Variants in C12orf54 observed in about 807,000 individuals in gnomAD.
The protein encoded by C12orf54 is chromosome 12 open reading frame 54, also known as uncharacterized protein C12orf54.
A neutral mutation model predicts 26.4 loss-of-function variants in C12orf54; 24 were observed. That is an observed-to-expected ratio of 0.91 (90% confidence interval 0.66 to 1.28). C12orf54 has a LOEUF of 1.28. Ranked by LOEUF, C12orf54 falls within the 50% of genes most tolerant of loss-of-function variation. The probability of loss-of-function intolerance (pLI) is 0.00; values close to 1 mark genes in which losing one functional copy is unlikely to be tolerated. For synonymous variants in C12orf54, 54 were observed against 47.0 expected (o/e 1.15, Z -0.61); for missense variants, 154 against 150.9 (o/e 1.02, Z -0.11).
the C12orf54 span, among the ~76,000 whole-genome samples, chr12:48,477,257 G>A: frequency 5.3e-5 from 8 of 152,222 alleles, no homozygotes; most frequent in African/African-American, 1.9e-4. Flanking sequence ...GTGTGTAGAG[G>A]GAAATTTATA....
the C12orf54 span, among the ~76,000 whole-genome samples, chr12:48,466,428 C>T: frequency 5.3e-4 from 81 of 152,018 alleles, no homozygotes; most frequent in Middle Eastern, 3.4e-3. Flanking sequence ...ACCTGTAATC[C>T]CAGCTACTCA....
chr12:48,457,504 T>C, the C12orf54 span, among the ~76,000 whole-genome samples: 1 of 152,030 alleles, frequency 6.6e-6, no homozygotes, highest in African/African-American at 2.4e-5. Context: ...CGGCTAATTT[T>C]TGTATTTTTA....
At chr12:48,475,794 A>G in the C12orf54 span, among the ~76,000 whole-genome samples, 1 of 152,232 alleles carries the variant, frequency 6.6e-6, no homozygotes, top group South Asian at 2.1e-4. Context: ...AGTGACAGGG[A>G]GAATGGAACC....
At chr12:48,472,998 T>A in the C12orf54 span, 1 of 1,613,876 alleles carries the variant, frequency 6.2e-7, no homozygotes, top group Non-Finnish European at 8.5e-7. Flanking sequence ...CCTGAAAAAG[T>A]TAGAAAACCT....
the C12orf54 span, among the ~76,000 whole-genome samples, chr12:48,464,278 A>T: frequency 6.6e-6 from 1 of 152,164 alleles, no homozygotes; most frequent in Non-Finnish European, 1.5e-5. Context: ...ATACACCAAT[A>T]ACAGCCAACC....
intron 2 of C12orf54, among the ~76,000 whole-genome samples, chr12:48,484,805 T>C (rs1954239729): frequency 6.6e-6 from 1 of 152,364 alleles, no homozygotes; most frequent in South Asian, 2.1e-4. Context: ...ATTTGATCAT[T>C]ACATATTGTA....
the C12orf54 span, among the ~76,000 whole-genome samples, chr12:48,424,687 G>A: frequency 6.6e-6 from 1 of 152,080 alleles, no homozygotes; most frequent in Non-Finnish European, 1.5e-5. Flanking sequence ...ATGTGGCCCA[G>A]CAATTTCACT....
the C12orf54 span, among the ~76,000 whole-genome samples, chr12:48,446,310 T>G: frequency 6.6e-6 from 1 of 152,168 alleles, no homozygotes; most frequent in Non-Finnish European, 1.5e-5. Flanking sequence ...TTGACAGCAT[T>G]TTTGCTCTTA....
chr12:48,484,661 A>G (rs1258434805), intron 2 of C12orf54, among the ~76,000 whole-genome samples: 1 of 152,228 alleles, frequency 6.6e-6, no homozygotes, highest in Non-Finnish European at 1.5e-5. Flanking sequence ...TTGAGGTTCA[A>G]TAGCATAGTA....
chr12:48,472,481 T>C, the C12orf54 span, among the ~76,000 whole-genome samples: 1 of 152,208 alleles, frequency 6.6e-6, no homozygotes, highest in Non-Finnish European at 1.5e-5. Flanking sequence ...TTGGAGCAAC[T>C]GGGTGAATGA....
chr12:48,424,797 G>C, the C12orf54 span, among the ~76,000 whole-genome samples: 2 of 151,980 alleles, frequency 1.3e-5, no homozygotes, highest in African/African-American at 4.8e-5. Context: ...ACATCACTAC[G>C]CTAAGGCAAA....
chr12:48,441,947 G>A, the C12orf54 span: 1 of 152,022 alleles, frequency 6.6e-6, no homozygotes, highest in Non-Finnish European at 1.5e-5. Context: ...TGACATCAAG[G>A]AATTATCCTA....
intron 4 of C12orf54, 95 bp downstream of exon 4, chr12:48,486,821 C>A: frequency 1.5e-6 from 2 of 1,304,246 alleles, no homozygotes; most frequent in South Asian, 2.5e-5. Flanking sequence ...TTTCCTTGAG[C>A]GGTTTGTTGA....
the C12orf54 span, among the ~76,000 whole-genome samples, chr12:48,445,168 G>A: frequency 2.6e-5 from 4 of 151,890 alleles, no homozygotes; most frequent in East Asian, 7.8e-4. Context: ...GCGAGACTCC[G>A]TCTCTTAAAA....
Position 48,494,801 on chromosome 12 carries a change from C to T in C12orf54, c.246C>T (p.Ser82=). The T allele has an allele frequency of 6.2e-7, 1 of 1,613,666 alleles. No individual in the cohort carries two copies. The highest frequency in any genetic ancestry group is 1.1e-5 in the South Asian group (1 of 91,068). ...TPMTSAPRTG[S]IRPPDSLMTP... is the part of the protein sequence containing the mutation. ...AACTTTCTCTATTTTGGCACAGAAGCATAAGGCCTCCAGATTCCTTGATGA... is the reference window on the plus strand; with the variant it reads ...AACTTTCTCTATTTTGGCACAGAAGTATAAGGCCTCCAGATTCCTTGATGA... Residue 82 remains serine, a synonymous_variant, in exon 8 of 9, where the codon AGC becomes AGT. Coordinates refer to ENST00000548364, the MANE Select transcript of C12orf54 (RefSeq NM_152319.4).
At chr12:48,418,307 A>AGG in the C12orf54 span, among the ~76,000 whole-genome samples, 1 of 152,228 alleles carries the variant, frequency 6.6e-6, no homozygotes, top group South Asian at 2.1e-4. Flanking sequence ...ATAAACGGCA[A>AGG]GGTAAGTCAT....
At chr12:48,453,275 G>A in the C12orf54 span, among the ~76,000 whole-genome samples, 2 of 151,906 alleles carry the variant, frequency 1.3e-5, no homozygotes, top group African/African-American at 2.4e-5. Flanking sequence ...CTTATAAGTG[G>A]GAGCTGAATG....
the C12orf54 span, among the ~76,000 whole-genome samples, chr12:48,414,631 A>G: frequency 6.6e-6 from 1 of 152,116 alleles, no homozygotes; most frequent in African/African-American, 2.4e-5. Context: ...CTTGGTATCC[A>G]TGTGCCAGGC....
At chr12:48,488,145 T>G in intron 4 of C12orf54, 1 of 772,690 alleles carries the variant, frequency 1.3e-6, no homozygotes, top group Non-Finnish European at 2.4e-6. Context: ...GAGACATTTC[T>G]ACTGGAACCT....
Sources: gnomAD v4.1 joint callset for allele counts (sites outside exome capture counted in the v4.1 genomes callset) on GRCh38, gnomAD v4.1.1 for gene constraint, MANE v1.5 for transcripts, NCBI Gene and HGNC (gene_info 2026-07-23, HGNC 2026-07-21) for gene names.